Variants in ATG3 observed in about 807,000 individuals in gnomAD.
ATG3 encodes autophagy related 3.
In ATG3, 25 loss-of-function variants were observed where a neutral mutation model predicts 50.7. The observed-to-expected ratio is 0.49, with a 90% CI of 0.36 to 0.69. The LOEUF (loss-of-function observed/expected upper bound fraction) is 0.69. Among genes scored for constraint, ATG3 ranks in the 30% least tolerant of loss-of-function variants. The probability of loss-of-function intolerance (pLI) is 0.00; values close to 1 mark genes in which losing one functional copy is unlikely to be tolerated. For missense variants in ATG3, 281 were observed against 376.0 expected, an observed-to-expected ratio of 0.75 and a Z score of 2.09; for synonymous variants, 119 against 125.5, an observed-to-expected ratio of 0.95 and a Z score of 0.34.
chr3:112,542,263 A>C (rs1205722133), intron 6 of ATG3, among the ~76,000 whole-genome samples: 1 of 152,154 alleles, frequency 6.6e-6, no homozygotes, highest in African/African-American at 2.4e-5. Flanking sequence ...CATATCTGTA[A>C]ATCAAATATA....
chr3:112,547,475 T>C (rs1456095272), intron 5 of ATG3, among the ~76,000 whole-genome samples: 1 of 152,116 alleles, frequency 6.6e-6, no homozygotes, highest in Non-Finnish European at 1.5e-5. Context: ...GGGAGAAAAA[T>C]TTGTTTTTAG....
chr3:112,538,398 A>G, intron 7 of ATG3: 1 of 488,914 alleles, frequency 2.0e-6, no homozygotes, highest in Non-Finnish European at 3.7e-6. Flanking sequence ...ACATAATAAT[A>G]CTGTAGAGTC....
At chr3:112,541,072 C>G (rs1933211166) in intron 7 of ATG3, among the ~76,000 whole-genome samples, 1 of 152,088 alleles carries the variant, frequency 6.6e-6, no homozygotes, top group South Asian at 2.1e-4. Context: ...TCTTGGGAAA[C>G]TGATGGGATT....
At chr3:112,555,898 T>C (rs1026561892) in intron 2 of ATG3, among the ~76,000 whole-genome samples, 5 of 152,254 alleles carry the variant, frequency 3.3e-5, no homozygotes, top group African/African-American at 1.2e-4. Flanking sequence ...GATGAATTCC[T>C]GTTTTGAAAC....
At chr3:112,535,827 C>T (rs532006213) in intron 10 of ATG3, 5 of 152,256 alleles carry the variant, frequency 3.3e-5, no homozygotes, top group Middle Eastern at 6.8e-3. Flanking sequence ...GGAAAGTTAT[C>T]TATTAGAAAT....
At chr3:112,548,773 A>G in intron 4 of ATG3, 133 bp from the exon 5 acceptor site, 2 of 711,858 alleles carry the variant, frequency 2.8e-6, no homozygotes, top group Non-Finnish European at 4.7e-6. Context: ...TTTCACTTTT[A>G]AAGGTGATTA....
intron 3 of ATG3, among the ~76,000 whole-genome samples, chr3:112,552,793 G>T (rs906855871): frequency 1.3e-5 from 2 of 151,856 alleles, no homozygotes; most frequent in Non-Finnish European, 2.9e-5. Flanking sequence ...TGGGACCACA[G>T]ACGCCTGCCA....
rs767303511 is a variant in ATG3, at chr3:112,536,505, G to A, written c.764C>T (p.Pro255Leu). ...VTIENHPHLP[P>L]PPMCSVHPCR... ...TGGGTGAACTGAACACATGGGAGGT[G>A]GTGGCAGATGAGGGTGATTTTCAAT... The change falls in exon 10 of 12, where the codon CCA (proline) becomes CTA (leucine). Residue 255 changes from proline to leucine, a missense_variant. Transcript: ENST00000283290. The A allele has an allele frequency of 1.9e-6, 3 of 1,613,846 alleles. No homozygotes were observed. The highest frequency in any genetic ancestry group is 1.1e-5 in the South Asian group (1 of 91,074).
At chr3:112,538,581 T>C (rs1318755580) in intron 7 of ATG3, among the ~76,000 whole-genome samples, 1 of 152,212 alleles carries the variant, frequency 6.6e-6, no homozygotes, top group Non-Finnish European at 1.5e-5. Flanking sequence ...TTCCTTGGCT[T>C]TTAAAATATT....
chr3:112,559,558 T>C (rs898306556), intron 1 of ATG3, among the ~76,000 whole-genome samples: 1 of 152,094 alleles, frequency 6.6e-6, no homozygotes, highest in African/African-American at 2.4e-5. Flanking sequence ...TGGGGAGAGA[T>C]GGCCATTTAA....
intron 5 of ATG3, among the ~76,000 whole-genome samples, chr3:112,544,710 T>G (rs867711771): frequency 6.8e-6 from 1 of 147,986 alleles, no homozygotes; most frequent in Admixed American, 6.8e-5. Context: ...GACTCGTATG[T>G]ACATTTTAAT....
At chr3:112,537,613 TA>T in intron 9 of ATG3, 121 bp downstream of exon 9, 1 of 702,028 alleles carries the variant, frequency 1.4e-6, no homozygotes, top group Non-Finnish European at 2.2e-6. Flanking sequence ...CATAAAACTG[TA>T]AAACAGATGA....
At chr3:112,545,284 A>T (rs1264927697) in intron 5 of ATG3, among the ~76,000 whole-genome samples, 1 of 152,234 alleles carries the variant, frequency 6.6e-6, no homozygotes, top group African/African-American at 2.4e-5. Flanking sequence ...GTCTCAAAGA[A>T]AGCCTTAAGA....
intron 9 of ATG3, 133 bp downstream of exon 9, chr3:112,537,602 T>C: frequency 1.6e-6 from 1 of 613,542 alleles, no homozygotes; most frequent in Non-Finnish European, 2.6e-6. Context: ...TCAACATTAA[T>C]CATAAAACTG....
intron 4 of ATG3, among the ~76,000 whole-genome samples, chr3:112,548,862 T>C (rs1034678163): frequency 2.6e-5 from 4 of 152,248 alleles, no homozygotes; most frequent in Non-Finnish European, 5.9e-5. Context: ...AGAAGACAAG[T>C]AGAAAAGCTC....
intron 9 of ATG3, 96 bp from the exon 10 acceptor site, chr3:112,536,698 G>T: frequency 7.6e-7 from 1 of 1,322,586 alleles, no homozygotes; most frequent in South Asian, 1.3e-5. Context: ...GAGGTGGGCG[G>T]ATCACATGGT....
chr3:112,532,609 A>G lies in ATG3; in HGVS notation c.*90T>C. The G allele has an allele frequency of 1.1e-6, 1 of 936,364 alleles. No homozygotes were observed. Among genetic ancestry groups the G allele is most frequent in the East Asian group, 2.8e-5 (1 of 35,112 alleles). The allele number at this position is 936,364 out of a possible 1,614,324, so 58.0% of individuals were successfully genotyped here. ...AAGTCCCTTATTAGAGAAACTGTAT[A>G]TATTGATGAATATGGTCAATGGTCA... On this transcript the variant is annotated 3_prime_UTR_variant, in exon 12 of 12. Transcript: ENST00000283290.
At chr3:112,537,647 A>G in intron 9 of ATG3, 88 bp downstream of exon 9, 1 of 990,416 alleles carries the variant, frequency 1.0e-6, no homozygotes. Context: ...GAAACACTGC[A>G]ATAAATACTC....
intron 2 of ATG3, among the ~76,000 whole-genome samples, chr3:112,553,571 C>A (rs1180512704): frequency 6.6e-6 from 1 of 152,082 alleles, no homozygotes; most frequent in Non-Finnish European, 1.5e-5. Flanking sequence ...GAAGAAAAAA[C>A]AAGTGCTGTT....
Sources: gnomAD v4.1 joint callset for allele counts (sites outside exome capture counted in the v4.1 genomes callset) on GRCh38, gnomAD v4.1.1 for gene constraint, MANE v1.5 for transcripts, NCBI Gene and HGNC (gene_info 2026-07-23, HGNC 2026-07-21) for gene names.